The following HDAC9 variants were observed in gnomAD, a reference collection of about 807,000 sequenced individuals.
HDAC9 encodes the protein histone deacetylase 9.
Under a neutral mutation model 139.4 loss-of-function variants are expected in HDAC9, and 41 were observed. The observed-to-expected ratio is 0.29, with a 90% CI of 0.23 to 0.38. The LOEUF is 0.38. Ranked by LOEUF, HDAC9 falls within the 10% of genes least tolerant of loss-of-function variation. HDAC9 has a pLI of 1.00. For missense variants in HDAC9, 1,147 were observed against 1,297.0 expected, an observed-to-expected ratio of 0.88 and a Z score of 1.78; for synonymous variants, 517 against 476.2, an observed-to-expected ratio of 1.09 and a Z score of -1.12.
intron 1 of HDAC9, among the ~76,000 whole-genome samples, chr7:18,409,891 A>G (rs895329752): frequency 3.3e-5 from 5 of 152,240 alleles, no homozygotes; most frequent in African/African-American, 9.6e-5. Context: ...TGTATCCAGG[A>G]GCATAGCTTG....
At chr7:18,753,218 G>A (rs891600227) in intron 14 of HDAC9, among the ~76,000 whole-genome samples, 1 of 152,004 alleles carries the variant, frequency 6.6e-6, no homozygotes, top group African/African-American at 2.4e-5. Context: ...TTTCAAAGGG[G>A]TTTTGAGTCA....
At chr7:18,857,603 G>A (rs984180400) in intron 21 of HDAC9, among the ~76,000 whole-genome samples, 46 of 152,054 alleles carry the variant, frequency 3.0e-4, no homozygotes, top group African/African-American at 1.0e-3. Context: ...ATTAATGAAC[G>A]CATCCCTTTG....
intron 1 of HDAC9, among the ~76,000 whole-genome samples, chr7:18,443,029 A>G (rs1252487545): frequency 6.6e-6 from 1 of 152,224 alleles, no homozygotes; most frequent in Admixed American, 6.5e-5. Context: ...AATGGGAGCT[A>G]CTGATTTGCT....
intron 2 of HDAC9, among the ~76,000 whole-genome samples, chr7:18,538,877 G>A (rs1188524375): frequency 6.6e-6 from 1 of 152,134 alleles, no homozygotes; most frequent in African/African-American, 2.4e-5. Context: ...TTACAGTTCA[G>A]GAGGATAGGG....
chr7:18,224,461 A>G (rs924897218), intron 2 of HDAC9, among the ~76,000 whole-genome samples: 2 of 152,196 alleles, frequency 1.3e-5, no homozygotes, highest in Non-Finnish European at 2.9e-5. Context: ...ACATAGCAAC[A>G]TGGAAATAGG....
At chr7:18,381,111 A>T (rs1259898673) in intron 1 of HDAC9, among the ~76,000 whole-genome samples, 2 of 150,256 alleles carry the variant, frequency 1.3e-5, no homozygotes, top group Non-Finnish European at 3.0e-5. Context: ...AGGCACAAGA[A>T]TTGCCTAAAC....
At chr7:18,959,903 A>G (rs1253363687) in intron 24 of HDAC9, among the ~76,000 whole-genome samples, 1 of 152,018 alleles carries the variant, frequency 6.6e-6, no homozygotes, top group Non-Finnish European at 1.5e-5. Context: ...AGTGCCTGCA[A>G]TTTCACCATA....
intron 13 of HDAC9, among the ~76,000 whole-genome samples, chr7:18,732,718 T>A (rs1786261316): frequency 1.0e-5 from 1 of 97,922 alleles, no homozygotes; most frequent in Non-Finnish European, 1.9e-5. Context: ...TGCGTATGTG[T>A]ACACACACAC....
chr7:18,181,417 CTA>C (rs1789417491), intron 2 of HDAC9, among the ~76,000 whole-genome samples: 1 of 152,104 alleles, frequency 6.6e-6, no homozygotes, highest in South Asian at 2.1e-4. Flanking sequence ...ACAATTTAGA[CTA>C]TTGGATTAAT....
intron 22 of HDAC9, among the ~76,000 whole-genome samples, chr7:18,909,104 A>G (rs1175692309): frequency 1.3e-5 from 2 of 152,004 alleles, no homozygotes; most frequent in East Asian, 1.9e-4. Context: ...GGGTGAAGCA[A>G]GATCTCATTG....
intron 1 of HDAC9, among the ~76,000 whole-genome samples, chr7:18,343,628 T>A (rs1782181119): frequency 6.6e-6 from 1 of 151,844 alleles, no homozygotes; most frequent in Non-Finnish European, 1.5e-5. Flanking sequence ...TAATGTACAT[T>A]TTTAAAAACA....
intron 22 of HDAC9, among the ~76,000 whole-genome samples, chr7:18,879,768 A>G (rs998972368): frequency 6.6e-6 from 1 of 152,168 alleles, no homozygotes; most frequent in Non-Finnish European, 1.5e-5. Flanking sequence ...ATTTTATGAC[A>G]AAGACACAAA....
chr7:18,936,089 A>C, intron 23 of HDAC9, 147 bp downstream of exon 23: 2 of 750,972 alleles, frequency 2.7e-6, no homozygotes. Context: ...AGATAAGTTT[A>C]CATGTTCTCG....
At chr7:18,621,117 ATTGC>A (rs1232646613) in intron 6 of HDAC9, among the ~76,000 whole-genome samples, 1 of 152,124 alleles carries the variant, frequency 6.6e-6, no homozygotes, top group East Asian at 1.9e-4. Flanking sequence ...AGAATATATA[ATTGC>A]TTGGGGAAAA....
chr7:18,172,255 C>A (rs1184535517), intron 2 of HDAC9, among the ~76,000 whole-genome samples: 2 of 152,114 alleles, frequency 1.3e-5, no homozygotes, highest in East Asian at 1.9e-4. Context: ...GTATTCTATT[C>A]TCTGATGGTA....
intron 12 of HDAC9, 119 bp from the exon 13 acceptor site, chr7:18,727,460 TC>T (rs1584923377): frequency 2.5e-6 from 2 of 798,414 alleles, no homozygotes; most frequent in East Asian, 3.1e-5. Flanking sequence ...TTTTTCTTTT[TC>T]CTTCACACCG....
intron 1 of HDAC9, among the ~76,000 whole-genome samples, chr7:18,156,948 C>T (rs574246079): frequency 5.3e-5 from 8 of 152,132 alleles, no homozygotes; most frequent in South Asian, 2.1e-4. Flanking sequence ...GTTAGGTGGG[C>T]GTGGTGGCAC....
intron 1 of HDAC9, among the ~76,000 whole-genome samples, chr7:18,093,089 G>A (rs1176476493): frequency 6.6e-6 from 1 of 152,178 alleles, no homozygotes; most frequent in Non-Finnish European, 1.5e-5. Flanking sequence ...TATGTAGTGG[G>A]TTGGGGACTA....
intron 1 of HDAC9, among the ~76,000 whole-genome samples, chr7:18,318,620 T>G (rs1799817632): frequency 6.6e-6 from 1 of 152,234 alleles, no homozygotes; most frequent in Non-Finnish European, 1.5e-5. Context: ...CATCATGAAT[T>G]AGCAAGTTGC....
Sources: allele counts gnomAD v4.1 joint callset (sites outside exome capture counted in the v4.1 genomes callset), GRCh38; gene constraint gnomAD v4.1.1; transcripts MANE v1.5; gene names NCBI Gene and HGNC (gene_info 2026-07-23, HGNC 2026-07-21).